The following DTNA variants were observed in gnomAD, a reference collection of about 807,000 sequenced individuals.
DTNA encodes dystrophin-related protein 3.
In DTNA, 43 loss-of-function variants were observed where a neutral mutation model predicts 100.7. The ratio of observed to expected loss-of-function variants is 0.43; its 90% CI spans 0.33 to 0.55. DTNA has a LOEUF of 0.55. DTNA is among the 20% of genes least tolerant of loss of function. The pLI is 0.04. For missense variants in DTNA, 798 were observed against 953.9 expected (o/e 0.84, Z 2.15); for synonymous variants, 349 against 347.9 (o/e 1.00, Z -0.04).
chr18:34,858,966 G>A (rs1049478378), intron 16 of DTNA, among the ~76,000 whole-genome samples: 4 of 152,146 alleles, frequency 2.6e-5, no homozygotes, highest in South Asian at 4.1e-4. Context: ...TTTAAACATA[G>A]CTCTTTTTAG....
In DTNA at chr18:34,851,889, A is replaced by G. The variant is rs2096484557; in HGVS notation, c.1493A>G (p.Gln498Arg). 1 of 1,614,092 alleles carries G rather than the reference A, an allele frequency of 6.2e-7. No homozygotes were observed. Among genetic ancestry groups the G allele is most frequent in the Non-Finnish European group, 8.5e-7 (1 of 1,179,930 alleles). ...TCTTTCACCATCGATGCGAATAAGC[A>G]GCAAAGGCAGCTGATTGCTGAGCTA... ...DISFTIDANK[Q>R]QRQLIAELEN... is the part of the protein sequence containing the mutation. The change falls in exon 15 of 23, where the codon CAG (glutamine) becomes CGG (arginine). Residue 498 changes from glutamine (Q) to arginine (R), a missense_variant. Around this residue, in one of 6 missense-constraint regions of DTNA, gnomAD observed 159 missense variants for 201.2 expected, o/e 0.79. Transcript: ENST00000444659.
chr18:34,771,602 C>T (rs1485129762), intron 3 of DTNA, among the ~76,000 whole-genome samples: 1 of 152,170 alleles, frequency 6.6e-6, no homozygotes, highest in East Asian at 1.9e-4. Flanking sequence ...TGTACCCTGC[C>T]ATACCTTCCC....
intron 13 of DTNA, among the ~76,000 whole-genome samples, chr18:34,843,083 T>C (rs1184738679): frequency 1.3e-5 from 2 of 152,180 alleles, no homozygotes; most frequent in East Asian, 3.8e-4. Flanking sequence ...AAAAATTCCA[T>C]CTTCCCCTAA....
chr18:34,570,112 T>G (rs1228723483), intron 1 of DTNA, among the ~76,000 whole-genome samples: 1 of 152,204 alleles, frequency 6.6e-6, no homozygotes, highest in Non-Finnish European at 1.5e-5. Context: ...TTTGCCTTTT[T>G]GAACTAAATT....
At chr18:34,750,327 G>T in intron 1 of DTNA, among the ~76,000 whole-genome samples, 1 of 152,160 alleles carries the variant, frequency 6.6e-6, no homozygotes, top group East Asian at 1.9e-4. Context: ...ATTATTTCCA[G>T]TGTAACAATG....
intron 17 of DTNA, among the ~76,000 whole-genome samples, chr18:34,865,254 CTCT>C (rs944777448): frequency 6.6e-6 from 1 of 151,234 alleles, no homozygotes; most frequent in African/African-American, 2.5e-5. Flanking sequence ...CTTTCTTTCT[CTCT>C]TTTTTTTGTC....
At chr18:34,836,647 CA>C (rs749690995) in intron 11 of DTNA, among the ~76,000 whole-genome samples, 1,829 of 51,676 alleles carry the variant, frequency 0.035, 20 homozygotes, top group African/African-American at 0.08. Context: ...GACTCTGTCT[CA>C]AAAAAAAAAA....
chr18:34,843,037 G>T (rs2096299901), intron 13 of DTNA, among the ~76,000 whole-genome samples: 1 of 152,066 alleles, frequency 6.6e-6, no homozygotes, highest in Non-Finnish European at 1.5e-5. Context: ...ATAAACATCT[G>T]TTGATATTGT....
intron 7 of DTNA, among the ~76,000 whole-genome samples, chr18:34,816,316 A>T (rs556319862): frequency 6.6e-6 from 1 of 152,224 alleles, no homozygotes; most frequent in East Asian, 1.9e-4. Context: ...ATTATTTTGT[A>T]TTTGTTTTAG....
In DTNA at chr18:34,769,725, C is replaced by CTTTTTTTTTTTTTTTT. The variant is rs61242937; in HGVS notation, c.148+3699_148+3700insTTTTTTTTTTTTTTTT. Among the ~76,000 whole-genome samples, 95 of 53,852 alleles carry CTTTTTTTTTTTTTTTT rather than the reference C, an allele frequency of 1.8e-3. 28 individuals carry two copies. Among genetic ancestry groups the CTTTTTTTTTTTTTTTT allele is most frequent in the South Asian group, 3.3e-3 (4 of 1,202 alleles). 35.3% of individuals were successfully genotyped at this position (53,852 alleles called of 152,430 possible). ...GAAGAAGCAAGGCAGCCCTCTGGGG[C>CTTTTTTTTTTTTTTTT]TTTTTTTTTTTTTTTGACAGAGTTT... On this transcript the variant is annotated intron_variant, in intron 3 of 22. Transcript: ENST00000444659.
chr18:34,854,608 A>G (rs754759116), intron 15 of DTNA, among the ~76,000 whole-genome samples: 1 of 152,224 alleles, frequency 6.6e-6, no homozygotes, highest in African/African-American at 2.4e-5. Flanking sequence ...TTTTCTGAAG[A>G]AGGACCTAAC....
intron 17 of DTNA, chr18:34,867,419 C>T: frequency 2.4e-6 from 3 of 1,227,056 alleles, no homozygotes; most frequent in Non-Finnish European, 3.0e-6. Context: ...GTGAAGGACA[C>T]ATAACACATA....
chr18:34,852,911 T>C (rs1284255214), intron 15 of DTNA, among the ~76,000 whole-genome samples: 4 of 152,208 alleles, frequency 2.6e-5, no homozygotes, highest in African/African-American at 9.6e-5. Context: ...AGGTTGTCAC[T>C]TATCACTATC....
rs776454465 is a variant in DTNA at position 34,889,978 on chromosome 18, A to G, written c.*2244A>G. 1.3e-5 allele frequency: 15 copies of G among 1,137,680 alleles called. No individual in the cohort carries two copies. The highest frequency in any genetic ancestry group is 1.1e-4 in the African/African-American group (7 of 62,464). The allele number at this position is 1,137,680 out of a possible 1,614,324, so 70.5% of individuals were successfully genotyped here. A position where few individuals can be genotyped will look rare whatever the true frequency, so the allele number is the denominator to read the frequency against. On this transcript the variant is annotated 3_prime_UTR_variant, in exon 23 of 23. Coordinates refer to ENST00000444659, the MANE Select transcript of DTNA (RefSeq NM_001386795.1). ...CTCATACTCAGTATTGAAAACCACTACATCCCAGCTACCTATAATGCTGTC... is the reference window on the plus strand; with the variant it reads ...CTCATACTCAGTATTGAAAACCACTGCATCCCAGCTACCTATAATGCTGTC...
Position 34,864,212 on chromosome 18 carries a change from C to T in DTNA, c.1743+150C>T, listed in dbSNP as rs2096664991. 6.0e-6 allele frequency: 4 copies of T among 668,288 alleles called. No homozygotes were observed. In the South Asian group the frequency reaches 7.1e-5, roughly 12 times the overall value. The allele number at this position is 668,288 out of a possible 1,614,324, so 41.4% of individuals were successfully genotyped here. On this transcript the variant is annotated intron_variant, in intron 17 of 22. Transcript: ENST00000444659. The stretch of plus-strand genomic sequence containing the variant: ...CTCAGATGTAAAACAATTTGTTAGA[C>T]CAGTGTAGCAGTAGCTGTCAGTAAT...
At chr18:34,831,468 A>G (rs548258219) in intron 11 of DTNA, among the ~76,000 whole-genome samples, 105 of 152,330 alleles carry the variant, frequency 6.9e-4, no homozygotes, top group African/African-American at 2.2e-3. Context: ...GTAGTTAATT[A>G]ATCATATTGT....
At chr18:34,739,251 C>A (rs1470743084) in intron 1 of DTNA, among the ~76,000 whole-genome samples, 3 of 152,104 alleles carry the variant, frequency 2.0e-5, no homozygotes, top group African/African-American at 7.2e-5. Flanking sequence ...AAATAATTAT[C>A]ATTTTCTTTT....
intron 7 of DTNA, chr18:34,817,877 T>G (rs745492975): frequency 8.8e-7 from 1 of 1,137,814 alleles, no homozygotes; most frequent in Non-Finnish European, 1.1e-6. Flanking sequence ...ATTTAAATTC[T>G]TGTAATGTGA....
chr18:34,539,898 G>A (rs2044084409), intron 1 of DTNA, among the ~76,000 whole-genome samples: 1 of 151,620 alleles, frequency 6.6e-6, no homozygotes, highest in African/African-American at 2.4e-5. Context: ...AATTTAAGTA[G>A]ACATTTTGAC....
Sources: allele counts gnomAD v4.1 joint callset (sites outside exome capture counted in the v4.1 genomes callset), GRCh38; gene constraint gnomAD v4.1.1; regional missense constraint gnomAD v4.1.1; transcripts MANE v1.5; gene names NCBI Gene and HGNC (gene_info 2026-07-23, HGNC 2026-07-21).